The following SRGAP3 variants were observed in gnomAD, a reference collection of about 807,000 sequenced individuals.
SRGAP3 encodes the protein SLIT-ROBO Rho GTPase-activating protein 3.
In SRGAP3, 39 loss-of-function variants were observed where a neutral mutation model predicts 121.1. That is an observed-to-expected ratio of 0.32 (90% CI 0.25 to 0.42). SRGAP3 has a LOEUF of 0.42. Ranked by LOEUF, SRGAP3 falls within the 10% of genes least tolerant of loss-of-function variation. The probability of loss-of-function intolerance (pLI) is 1.00; values close to 1 mark genes in which losing one functional copy is unlikely to be tolerated. For synonymous variants in SRGAP3, 601 were observed against 570.0 expected, an observed-to-expected ratio of 1.05 and a Z score of -0.77; for missense variants, 1,213 against 1,470.6, an observed-to-expected ratio of 0.82 and a Z score of 2.86.
At chr3:9,024,637 A>G (rs531700406) in intron 14 of SRGAP3, among the ~76,000 whole-genome samples, 1 of 152,190 alleles carries the variant, frequency 6.6e-6, no homozygotes, top group Non-Finnish European at 1.5e-5. Context: ...ATTTCTAATA[A>G]GCTTTCATAT....
intron 1 of SRGAP3, among the ~76,000 whole-genome samples, chr3:9,201,665 T>C (rs1296318247): frequency 6.6e-6 from 1 of 152,204 alleles, no homozygotes; most frequent in Non-Finnish European, 1.5e-5. Context: ...CAATCACCAA[T>C]GACTTGGCGT....
chr3:9,032,850 A>G, intron 11 of SRGAP3, 98 bp from the exon 12 acceptor site: 1 of 1,095,156 alleles, frequency 9.1e-7, no homozygotes, highest in Non-Finnish European at 1.4e-6. Flanking sequence ...GGGGAACACA[A>G]AATGTAAATG....
intron 3 of SRGAP3, among the ~76,000 whole-genome samples, chr3:9,294,691 C>T (rs961834131): frequency 1.6e-4 from 12 of 75,826 alleles, no homozygotes; most frequent in Non-Finnish European, 3.2e-4. Flanking sequence ...GCTATTGAAG[C>T]TTTCGTGTGT....
chr3:9,097,386 TA>T (rs1948029048), intron 3 of SRGAP3, among the ~76,000 whole-genome samples: 1 of 152,204 alleles, frequency 6.6e-6, no homozygotes, highest in East Asian at 1.9e-4. Flanking sequence ...TGATGGAGGC[TA>T]TTATTAGCTC....
chr3:9,072,135 T>C (rs1441241301), intron 4 of SRGAP3, among the ~76,000 whole-genome samples: 2 of 152,150 alleles, frequency 1.3e-5, no homozygotes, highest in South Asian at 4.2e-4. Context: ...CCGGCCAGGC[T>C]CAGTGCAGTG....
chr3:9,356,499 C>T (rs1452008579), intron 1 of SRGAP3, among the ~76,000 whole-genome samples: 4 of 150,184 alleles, frequency 2.7e-5, no homozygotes, highest in Admixed American at 6.7e-5. Context: ...CAGCCTCCTG[C>T]GTAGCTGGGA....
intron 3 of SRGAP3, among the ~76,000 whole-genome samples, chr3:9,261,080 G>A (rs1253203743): frequency 6.6e-6 from 1 of 152,178 alleles, no homozygotes; most frequent in Non-Finnish European, 1.5e-5. Context: ...TGGACCTCCA[G>A]CAAACTCCAG....
chr3:9,028,194 A>G (rs1944307271), intron 12 of SRGAP3: 1 of 1,604,106 alleles, frequency 6.2e-7, no homozygotes, highest in Non-Finnish European at 8.5e-7. Context: ...CAGGAATAAG[A>G]TCAGTTAGAG....
At chr3:9,182,175 CAAAAAAAAAAAA>C (rs34305216) in intron 1 of SRGAP3, among the ~76,000 whole-genome samples, 5 of 37,282 alleles carry the variant, frequency 1.3e-4, no homozygotes, top group Admixed American at 3.9e-4. Context: ...GACTCTGTCT[CAAAAAAAAAAAA>C]AAAAAAAAAA....
chr3:9,101,674 C>T (rs1202620174), intron 3 of SRGAP3, among the ~76,000 whole-genome samples: 2 of 152,220 alleles, frequency 1.3e-5, no homozygotes, highest in African/African-American at 4.8e-5. Context: ...GTTCTAGTAA[C>T]ATCCTTTGTT....
At chr3:9,350,376 G>T (rs994334487) in intron 1 of SRGAP3, among the ~76,000 whole-genome samples, 4 of 152,190 alleles carry the variant, frequency 2.6e-5, no homozygotes, top group Non-Finnish European at 4.4e-5. Context: ...AGGAGAGAGG[G>T]AAAGGATATG....
chr3:9,078,403 G>A (rs992038938), intron 4 of SRGAP3, among the ~76,000 whole-genome samples: 2 of 152,008 alleles, frequency 1.3e-5, no homozygotes, highest in Non-Finnish European at 2.9e-5. Flanking sequence ...GCAGAATTCT[G>A]AGCACGACAA....
intron 4 of SRGAP3, among the ~76,000 whole-genome samples, chr3:9,077,163 C>G (rs1286347031): frequency 2.0e-5 from 3 of 148,580 alleles, no homozygotes; most frequent in African/African-American, 7.6e-5. Flanking sequence ...ACACACTACT[C>G]TTATCTCTCT....
intron 3 of SRGAP3, among the ~76,000 whole-genome samples, chr3:9,081,479 T>C (rs1947243416): frequency 6.6e-6 from 1 of 152,184 alleles, no homozygotes; most frequent in Non-Finnish European, 1.5e-5. Flanking sequence ...AACAATACTT[T>C]CCAAAGCATG....
At chr3:9,163,703 T>G (rs1950681092) in intron 1 of SRGAP3, among the ~76,000 whole-genome samples, 1 of 152,142 alleles carries the variant, frequency 6.6e-6, no homozygotes, top group Non-Finnish European at 1.5e-5. Flanking sequence ...TACTCCTAGC[T>G]GCAACAGGTT....
At chr3:9,223,444 A>G (rs1290957308) in intron 1 of SRGAP3, among the ~76,000 whole-genome samples, 1 of 152,262 alleles carries the variant, frequency 6.6e-6, no homozygotes, top group Non-Finnish European at 1.5e-5. Context: ...GAAGTGAGCT[A>G]TGAATCTTTA....
chr3:9,081,452 TA>T (rs752304945), intron 3 of SRGAP3, among the ~76,000 whole-genome samples: 7 of 152,178 alleles, frequency 4.6e-5, no homozygotes, highest in Non-Finnish European at 8.8e-5. Context: ...ACCTATCAAA[TA>T]AAAAGCTTAA....
intron 1 of SRGAP3, among the ~76,000 whole-genome samples, chr3:9,195,648 G>A (rs1185700139): frequency 7.2e-5 from 11 of 151,958 alleles, no homozygotes; most frequent in Non-Finnish European, 2.9e-5. Context: ...CCCGTCTCAG[G>A]CTCTATTTCT....
chr3:9,265,908 A>G (rs2125258104), intron 3 of SRGAP3, among the ~76,000 whole-genome samples: 1 of 152,314 alleles, frequency 6.6e-6, no homozygotes, highest in South Asian at 2.1e-4. Context: ...TTCCACGATA[A>G]AGACACATGC....
Sources: gnomAD v4.1 joint callset for allele counts (sites outside exome capture counted in the v4.1 genomes callset) on GRCh38, gnomAD v4.1.1 for gene constraint, MANE v1.5 for transcripts, NCBI Gene and HGNC (gene_info 2026-07-23, HGNC 2026-07-21) for gene names.